Variants in ANGPTL5 observed in about 807,000 individuals in gnomAD.
ANGPTL5 encodes the protein angiopoietin like 5.
ANGPTL5 carries 34 observed loss-of-function variants against 39.4 expected under a neutral mutation model. That is an observed-to-expected ratio of 0.86 (90% CI 0.66 to 1.15). The LOEUF (loss-of-function observed/expected upper bound fraction) is 1.15. Among genes scored for constraint, ANGPTL5 ranks in the 50% most tolerant of loss-of-function variants. The pLI, the probability that ANGPTL5 is intolerant of heterozygous loss-of-function variation, is 0.00. For missense variants in ANGPTL5, 467 were observed against 457.5 expected, an observed-to-expected ratio of 1.02 and a Z score of -0.19; for synonymous variants, 146 against 152.1, an observed-to-expected ratio of 0.96 and a Z score of 0.29.
chr11:101,914,129 A>G (rs1940141506), intron 1 of ANGPTL5, among the ~76,000 whole-genome samples: 1 of 152,250 alleles, frequency 6.6e-6, no homozygotes, highest in African/African-American at 2.4e-5. Context: ...CTTAAAATGA[A>G]CAAATTAATT....
At chr11:101,898,639 T>C (rs1939841035) in intron 7 of ANGPTL5, among the ~76,000 whole-genome samples, 1 of 152,214 alleles carries the variant, frequency 6.6e-6, no homozygotes, top group Admixed American at 6.5e-5. Context: ...CCTTTATTTA[T>C]TTCTCTTGCC....
rs1939681863 is a variant in ANGPTL5 at position 101,890,989 on chromosome 11, G to C, written c.*290C>G. ...GGTTTAAAAATGCTTCAAAGAAAAGGCAAAATCCTTTAAAATCACTATAAA... is the reference window on the plus strand; with the variant it reads ...GGTTTAAAAATGCTTCAAAGAAAAGCCAAAATCCTTTAAAATCACTATAAA... On this transcript the variant is annotated 3_prime_UTR_variant, in exon 9 of 9. Transcript: ENST00000334289. The C allele has an allele frequency of 4.4e-6, 1 of 226,482 alleles. No homozygotes were observed. The highest frequency in any genetic ancestry group is 9.2e-5 in the South Asian group (1 of 10,928). The allele number at this position is 226,482 out of a possible 1,614,324, so 14.0% of individuals were successfully genotyped here.
chr11:101,913,020 G>A (rs1234246338), intron 1 of ANGPTL5, among the ~76,000 whole-genome samples: 1 of 152,190 alleles, frequency 6.6e-6, no homozygotes, highest in Non-Finnish European at 1.5e-5. Context: ...TTCTCTAGCA[G>A]CTAAACAAAC....
At chr11:101,907,360 G>T (rs1417903543) in intron 2 of ANGPTL5, 113 bp from the exon 3 acceptor site, 1 of 658,180 alleles carries the variant, frequency 1.5e-6, no homozygotes, top group Non-Finnish European at 2.4e-6. Flanking sequence ...AGACAAGGCT[G>T]ATCATTAGAG....
intron 4 of ANGPTL5, 132 bp downstream of exon 4, chr11:101,905,612 A>G: frequency 1.5e-6 from 1 of 669,438 alleles, no homozygotes; most frequent in Non-Finnish European, 2.6e-6. Flanking sequence ...AAAGTTTACT[A>G]TGGTGCCTCT....
chr11:101,911,197 C>T lies in ANGPTL5; in HGVS notation c.-92-3196G>A, dbSNP rs189099233. 5.7e-5 allele frequency among the ~76,000 whole-genome samples: 8 copies of T among 139,870 alleles called. No individual in the cohort carries two copies. The East Asian group carries it at 8.7e-4, about 15-fold the overall frequency. 91.8% of individuals were successfully genotyped at this position (139,870 alleles called of 152,430 possible). A position where few individuals can be genotyped will look rare whatever the true frequency, so the allele number is the denominator to read the frequency against. ...GGAATGCAATTGCACAATCTCGGCT[C>T]ACTGCAACCTCTGCCTCCCAGTTTC... is the stretch of plus-strand genomic sequence containing the variant. On this transcript the variant is annotated intron_variant, in intron 1 of 8. Coordinates refer to ENST00000334289, the MANE Select transcript of ANGPTL5 (RefSeq NM_178127.5).
At chr11:101,911,094 CTTTTTTTTTTTTTTTTTTTTTTTTTTTTT>C (rs71059524) in intron 1 of ANGPTL5, among the ~76,000 whole-genome samples, 1,388 of 54,952 alleles carry the variant, frequency 0.025, 38 homozygotes, top group African/African-American at 0.088. Context: ...CTACCCAAAT[CTTTTTTTTTTTTTTTTTTTTTTTTTTTTT>C]TTTTTTTTTT....
intron 6 of ANGPTL5, among the ~76,000 whole-genome samples, chr11:101,902,022 A>G (rs139963887): frequency 8.5e-4 from 129 of 152,038 alleles, no homozygotes; most frequent in African/African-American, 3.1e-3. Context: ...AGAAATTTCT[A>G]CTAGATATCC....
At chr11:101,915,907 C>G (rs1940201549) in intron 1 of ANGPTL5, 112 bp downstream of exon 1, 1 of 152,408 alleles carries the variant, frequency 6.6e-6, no homozygotes, top group African/African-American at 2.4e-5. Context: ...TTTTCCATCT[C>G]TGCCCAGTCT....
In ANGPTL5 at chr11:101,905,794, TTAG is replaced by T; in HGVS notation, c.292_294del (p.Leu98del). ...GCTTGTTGCTCATCCATCATATTCCTTAGTAGTTTTTTGGTACTTCTTGTGTAG... is the reference window on the plus strand; with the variant it reads ...GCTTGTTGCTCATCCATCATATTCCTTAGTTTTTTGGTACTTCTTGTGTAG... On this transcript the variant is annotated inframe_deletion, in exon 4 of 9. Coordinates refer to ENST00000334289, the MANE Select transcript of ANGPTL5 (RefSeq NM_178127.5). The T allele has an allele frequency of 6.2e-7, 1 of 1,612,296 alleles. No individual in the cohort carries two copies. Among genetic ancestry groups the T allele is most frequent in the Non-Finnish European group, 8.5e-7 (1 of 1,179,074 alleles).
At position 101,916,413 on chromosome 11, in the gene ANGPTL5, T is replaced by C. The variant is rs1448443609; in HGVS notation, c.-487A>G. 1 of 152,200 alleles carries C rather than the reference T, an allele frequency of 6.6e-6. No homozygotes were observed. The highest frequency in any genetic ancestry group is 2.4e-5 in the African/African-American group (1 of 41,460). 9.4% of individuals were successfully genotyped at this position (152,200 alleles called of 1,614,324 possible). On this transcript the variant is annotated 5_prime_UTR_variant, in exon 1 of 9. Transcript: ENST00000334289. ...ATAGAGCTTCACTAAAAGTAAAATATCTCTTCTCCGATCATGCTTTCTGCA... is the reference window on the plus strand; with the variant it reads ...ATAGAGCTTCACTAAAAGTAAAATACCTCTTCTCCGATCATGCTTTCTGCA...
chr11:101,907,115 G>A lies in ANGPTL5; in HGVS notation c.229C>T (p.His77Tyr). Residue 77 changes from histidine to tyrosine, a missense_variant, in exon 3 of 9, where the codon CAT (histidine) becomes TAT (tyrosine). By Grantham distance (83) the His-to-Tyr change is moderately conservative (BLOSUM62 2). Coordinates refer to ENST00000334289, the MANE Select transcript of ANGPTL5 (RefSeq NM_178127.5). ...TTTTAATACTTACTACACATGAAAT[G>A]TTTTTCTTCTCGTGTAATTTTAGTT... ...VKTKITREEK[H>Y]FMCRNLQNSI... 6.3e-7 allele frequency: 1 copy of A among 1,577,636 alleles called. No individual in the cohort carries two copies. The highest frequency in any genetic ancestry group is 1.1e-5 in the South Asian group (1 of 88,914).
intron 1 of ANGPTL5, among the ~76,000 whole-genome samples, chr11:101,909,887 A>C (rs2137065511): frequency 6.6e-6 from 1 of 152,282 alleles, no homozygotes; most frequent in Admixed American, 6.5e-5. Flanking sequence ...CAAATAGTGG[A>C]GTTTCAGCCA....
At chr11:101,898,743 C>T (rs558602338) in intron 7 of ANGPTL5, among the ~76,000 whole-genome samples, 1 of 152,268 alleles carries the variant, frequency 6.6e-6, no homozygotes, top group South Asian at 2.1e-4. Context: ...GGGAATGCTT[C>T]CAGCTTTTGC....
intron 1 of ANGPTL5, among the ~76,000 whole-genome samples, chr11:101,912,416 A>G (rs972103927): frequency 2.0e-5 from 3 of 152,208 alleles, no homozygotes; most frequent in South Asian, 2.1e-4. Flanking sequence ...GCCTTTTTCC[A>G]TAAATAACAC....
chr11:101,894,010 T>G (rs1220034200), intron 8 of ANGPTL5, among the ~76,000 whole-genome samples: 2 of 152,216 alleles, frequency 1.3e-5, no homozygotes, highest in Non-Finnish European at 2.9e-5. Flanking sequence ...GAATATATAC[T>G]TCTAAAAAGC....
At chr11:101,914,732 C>G (rs760171467) in intron 1 of ANGPTL5, among the ~76,000 whole-genome samples, 3 of 152,192 alleles carry the variant, frequency 2.0e-5, no homozygotes, top group Non-Finnish European at 4.4e-5. Context: ...GCAGACTCCT[C>G]CCGGTGGCAA....
At chr11:101,906,695 T>A (rs1940002583) in intron 3 of ANGPTL5, among the ~76,000 whole-genome samples, 1 of 152,142 alleles carries the variant, frequency 6.6e-6, no homozygotes, top group Non-Finnish European at 1.5e-5. Context: ...AAAATTTTAT[T>A]TTCTAACTTT....
intron 7 of ANGPTL5, among the ~76,000 whole-genome samples, chr11:101,896,400 C>T (rs1939796060): frequency 6.6e-6 from 1 of 151,810 alleles, no homozygotes; most frequent in African/African-American, 2.4e-5. Context: ...GACACATGTG[C>T]AAAATGTGCA....
Sources: gnomAD v4.1 joint callset for allele counts (sites outside exome capture counted in the v4.1 genomes callset) on GRCh38, gnomAD v4.1.1 for gene constraint, MANE v1.5 for transcripts, NCBI Gene and HGNC (gene_info 2026-07-23, HGNC 2026-07-21) for gene names.